The following CLNK variants were observed in gnomAD, a reference collection of about 807,000 sequenced individuals.
The protein encoded by CLNK is cytokine dependent hematopoietic cell linker, also known as cytokine-dependent hematopoietic cell linker.
A neutral mutation model predicts 68.6 loss-of-function variants in CLNK; 74 were observed. That is an observed-to-expected ratio of 1.08 (90% CI 0.89 to 1.31). The LOEUF (loss-of-function observed/expected upper bound fraction) is 1.31. Ranked by LOEUF, CLNK falls within the 50% of genes most tolerant of loss-of-function variation. The pLI, the probability that CLNK is intolerant of heterozygous loss-of-function variation, is 0.00. For synonymous variants in CLNK, 198 were observed against 172.2 expected, an observed-to-expected ratio of 1.15 and a Z score of -1.17; for missense variants, 553 against 515.3, an observed-to-expected ratio of 1.07 and a Z score of -0.71.
intron 1 of CLNK, 56 bp downstream of exon 1, chr4:10,684,612 T>C (rs1440757197): frequency 6.6e-6 from 1 of 152,178 alleles, no homozygotes; most frequent in South Asian, 2.1e-4. Flanking sequence ...TGATCATTTA[T>C]GACAAGGAGA....
At chr4:10,502,121 A>G (rs1717081232) in intron 17 of CLNK, among the ~76,000 whole-genome samples, 1 of 152,120 alleles carries the variant, frequency 6.6e-6, no homozygotes, top group Non-Finnish European at 1.5e-5. Flanking sequence ...GGGCTCCCAG[A>G]TTTTGCATGA....
intron 1 of CLNK, among the ~76,000 whole-genome samples, chr4:10,669,312 A>G (rs774726838): frequency 1.3e-5 from 2 of 152,240 alleles, no homozygotes; most frequent in Non-Finnish European, 2.9e-5. Flanking sequence ...TGCAAAAAAC[A>G]GATAATTGTA....
At chr4:10,720,474 G>C in the CLNK span, among the ~76,000 whole-genome samples, 921 of 151,972 alleles carry the variant, frequency 6.1e-3, 5 homozygotes, top group Non-Finnish European at 8.8e-3. Flanking sequence ...TGACAAATGA[G>C]CGCATGAAAT....
chr4:10,631,078 C>T (rs796338153), intron 2 of CLNK, among the ~76,000 whole-genome samples: 1 of 144,746 alleles, frequency 6.9e-6, no homozygotes, highest in African/African-American at 2.5e-5. Flanking sequence ...TCTGGATCCA[C>T]TTGCATAGCT....
intron 3 of CLNK, among the ~76,000 whole-genome samples, chr4:10,591,615 G>T (rs1721180667): frequency 6.6e-6 from 1 of 152,230 alleles, no homozygotes; most frequent in South Asian, 2.1e-4. Context: ...TGCAGATCAT[G>T]TCTGGGTCTA....
rs572821197 is a variant in CLNK, at chr4:10,592,221, T to A, written c.83+5757A>T. Among the ~76,000 whole-genome samples, 10 of 152,356 alleles carry A rather than the reference T, an allele frequency of 6.6e-5. No homozygotes were observed. The East Asian group carries it at 1.9e-3, about 29-fold the overall frequency. ...TCCTTTCCTCAATTAGACTTTAAGT[T>A]CTTTGAGGGCAGAAAACATGTCTAT... On this transcript the variant is annotated intron_variant, in intron 3 of 18. Coordinates refer to ENST00000226951, the MANE Select transcript of CLNK (RefSeq NM_052964.4).
chr4:10,501,366 C>G lies in CLNK; in HGVS notation c.1030G>C (p.Glu344Gln), dbSNP rs374715205. The change falls in exon 18 of 19, where the codon GAG (glutamate) becomes CAG (glutamine). Residue 344 changes from glutamate to glutamine, a missense_variant. Coordinates refer to ENST00000226951, the MANE Select transcript of CLNK (RefSeq NM_052964.4). ...VRDCSTKSKE[E>Q]PYVLAVFYEN... ...TAAAACACAGCCAAAACATAGGGCT[C>G]TTCCTTGGATTTTGTGGAACAATCT... 19 of 1,610,108 alleles carry G rather than the reference C, an allele frequency of 1.2e-5. No homozygotes were observed. The highest frequency in any genetic ancestry group is 1.6e-4 in the Middle Eastern group (1 of 6,068).
intron 18 of CLNK, among the ~76,000 whole-genome samples, chr4:10,498,788 T>C (rs1410016306): frequency 6.6e-6 from 1 of 152,228 alleles, no homozygotes; most frequent in Non-Finnish European, 1.5e-5. Context: ...CTGTCTTTCG[T>C]GTTAACGTAG....
intron 2 of CLNK, among the ~76,000 whole-genome samples, chr4:10,641,734 G>T (rs1037932543): frequency 3.3e-5 from 5 of 152,154 alleles, no homozygotes; most frequent in South Asian, 2.1e-4. Flanking sequence ...GATATGGTTT[G>T]GCTGTGTCCC....
At chr4:10,650,305 A>C (rs1322886650) in intron 2 of CLNK, among the ~76,000 whole-genome samples, 1 of 152,150 alleles carries the variant, frequency 6.6e-6, no homozygotes, top group Admixed American at 6.6e-5. Context: ...GTTTCAGAAA[A>C]AGATGGGAAA....
At chr4:10,616,781 TG>T (rs1722242853) in intron 2 of CLNK, among the ~76,000 whole-genome samples, 1 of 13,026 alleles carries the variant, frequency 7.7e-5, no homozygotes, top group Admixed American at 1.1e-3. Context: ...TGTATATATG[TG>T]TGTGTGTGTA....
intron 2 of CLNK, among the ~76,000 whole-genome samples, chr4:10,608,246 C>T (rs1000365176): frequency 3.9e-5 from 6 of 152,198 alleles, no homozygotes; most frequent in Non-Finnish European, 4.4e-5. Flanking sequence ...GTTTTGCAAC[C>T]TACAGTCCAC....
At chr4:10,632,037 T>C (rs1163934574) in intron 2 of CLNK, among the ~76,000 whole-genome samples, 1 of 152,210 alleles carries the variant, frequency 6.6e-6, no homozygotes, top group East Asian at 1.9e-4. Flanking sequence ...ATAGCTCTTG[T>C]CTAGGGTGTT....
In CLNK at chr4:10,567,131, GAAAAAA is replaced by G. The variant is rs61037076; in HGVS notation, c.151-987_151-982del. On this transcript the variant is annotated intron_variant, in intron 5 of 18. Coordinates refer to ENST00000226951, the MANE Select transcript of CLNK (RefSeq NM_052964.4). ...CCAAGAATAGCCAAAACAATCTTGGGAAAAAAAAAAAAAAAAAAAAGATAAAGTTGG... is the reference window on the plus strand; with the variant it reads ...CCAAGAATAGCCAAAACAATCTTGGGAAAAAAAAAAAAAAGATAAAGTTGG... 1.4e-4 allele frequency among the ~76,000 whole-genome samples: 16 copies of G among 110,550 alleles called. 1 individual carries two copies. In the South Asian group the frequency reaches 2.6e-3, roughly 18 times the overall value. The allele number at this position is 110,550 out of a possible 152,430, so 72.5% of individuals were successfully genotyped here.
the CLNK span, among the ~76,000 whole-genome samples, chr4:10,690,976 T>G: frequency 2.6e-5 from 4 of 151,948 alleles, no homozygotes; most frequent in Admixed American, 2.6e-4. Context: ...GATAATGAAA[T>G]GAAGAGTGTG....
the CLNK span, among the ~76,000 whole-genome samples, chr4:10,696,816 T>A: frequency 6.6e-6 from 1 of 152,186 alleles, no homozygotes; most frequent in African/African-American, 2.4e-5. Context: ...GGGAAACCCA[T>A]GTCAAGGCAA....
intron 15 of CLNK, among the ~76,000 whole-genome samples, chr4:10,519,827 G>T (rs1467638815): frequency 1.1e-4 from 17 of 152,184 alleles, no homozygotes. Flanking sequence ...AGGGCTGTGT[G>T]TGTGTGTGTG....
intron 2 of CLNK, among the ~76,000 whole-genome samples, chr4:10,612,794 G>A (rs940330766): frequency 6.6e-6 from 1 of 152,210 alleles, no homozygotes; most frequent in Non-Finnish European, 1.5e-5. Context: ...CAGGGTTGGA[G>A]TCAATCATTA....
At chr4:10,523,004 G>A (rs968726221) in intron 14 of CLNK, among the ~76,000 whole-genome samples, 12 of 152,218 alleles carry the variant, frequency 7.9e-5, no homozygotes, top group Admixed American at 3.3e-4. Flanking sequence ...TCCTTCTAGA[G>A]GAAAGGGAGG....
Sources: allele counts gnomAD v4.1 joint callset (sites outside exome capture counted in the v4.1 genomes callset), GRCh38; gene constraint gnomAD v4.1.1; transcripts MANE v1.5; gene names NCBI Gene and HGNC (gene_info 2026-07-23, HGNC 2026-07-21).